Variants in PALLD observed in about 807,000 individuals in gnomAD.
The protein encoded by PALLD is palladin, cytoskeletal associated protein.
Under a neutral mutation model 123.5 loss-of-function variants are expected in PALLD, and 61 were observed. The observed-to-expected ratio is 0.49, with a 90% confidence interval of 0.40 to 0.61. The LOEUF is 0.61. Ranked by LOEUF, PALLD falls within the 20% of genes least tolerant of loss-of-function variation. PALLD has a pLI of 0.00. For missense variants in PALLD, 1,273 were observed against 1,377.0 expected (o/e 0.92, Z 1.20); for synonymous variants, 465 against 496.4 (o/e 0.94, Z 0.84).
intron 2 of PALLD, among the ~76,000 whole-genome samples, chr4:168,649,663 T>G (rs1260904133): frequency 1.3e-5 from 2 of 152,228 alleles, no homozygotes; most frequent in East Asian, 3.8e-4. Context: ...TTACCTTGTT[T>G]GCATAACAAC....
chr4:168,584,215 G>GTTT (rs10654362), intron 2 of PALLD, among the ~76,000 whole-genome samples: 4,619 of 148,034 alleles, frequency 0.031, 93 homozygotes, highest in South Asian at 0.11. Context: ...AGACCATCAG[G>GTTT]TTTTTTTTTT....
In PALLD at chr4:168,771,514, C is replaced by T. The variant is rs368582332; in HGVS notation, c.1964+59591C>T. 3.5e-4 allele frequency among the ~76,000 whole-genome samples: 53 copies of T among 152,254 alleles called. 1 individual carries two copies. The South Asian group carries it at 0.011, about 32-fold the overall frequency. ...TTCCCGGAGGCATAGAAGGCAGGCA[C>T]CCATACATTCACACCCACAAAAATG... On this transcript the variant is annotated intron_variant, in intron 10 of 21. Transcript: ENST00000505667.
chr4:168,874,615 G>A (rs1292049995), intron 10 of PALLD, among the ~76,000 whole-genome samples: 1 of 151,374 alleles, frequency 6.6e-6, no homozygotes, highest in East Asian at 1.9e-4. Flanking sequence ...GTATAAAAGT[G>A]AATAAAGTCC....
chr4:168,680,694 A>G (rs1487019784), intron 3 of PALLD, among the ~76,000 whole-genome samples: 2 of 152,182 alleles, frequency 1.3e-5, no homozygotes, highest in Non-Finnish European at 2.9e-5. Context: ...TGGAAACATT[A>G]AGAATATACT....
intron 2 of PALLD, among the ~76,000 whole-genome samples, chr4:168,632,375 C>T (rs1228240226): frequency 1.3e-5 from 2 of 152,220 alleles, no homozygotes; most frequent in Non-Finnish European, 2.9e-5. Context: ...CTAAGAGCTG[C>T]TCAGTTGCTG....
intron 2 of PALLD, among the ~76,000 whole-genome samples, chr4:168,557,914 G>C (rs1335815996): frequency 6.6e-6 from 1 of 152,142 alleles, no homozygotes. Context: ...TGTGGGAAAG[G>C]GAGGGAAGGT....
intron 2 of PALLD, among the ~76,000 whole-genome samples, chr4:168,665,677 TA>T (rs1462721917): frequency 2.0e-5 from 3 of 152,188 alleles, no homozygotes; most frequent in African/African-American, 4.8e-5. Flanking sequence ...CAACACTTCT[TA>T]AAGTGCACAT....
At chr4:168,543,943 T>C (rs1332337624) in intron 2 of PALLD, among the ~76,000 whole-genome samples, 1 of 152,248 alleles carries the variant, frequency 6.6e-6, no homozygotes, top group Non-Finnish European at 1.5e-5. Flanking sequence ...TGTGTATACA[T>C]GAAGATGTAC....
chr4:168,636,772 C>T (rs1455815491), intron 2 of PALLD, among the ~76,000 whole-genome samples: 1 of 152,076 alleles, frequency 6.6e-6, no homozygotes, highest in Admixed American at 6.6e-5. Context: ...TCTTACAGTC[C>T]CAGTGCAGAA....
intron 10 of PALLD, among the ~76,000 whole-genome samples, chr4:168,743,298 G>A (rs998064643): frequency 1.3e-5 from 2 of 152,048 alleles, no homozygotes; most frequent in African/African-American, 2.4e-5. Flanking sequence ...ATTACACCAC[G>A]CGGCTATCAT....
chr4:168,585,622 G>T (rs967415272), intron 2 of PALLD, among the ~76,000 whole-genome samples: 1 of 151,800 alleles, frequency 6.6e-6, no homozygotes, highest in Non-Finnish European at 1.5e-5. Context: ...CAGGCACTGA[G>T]TGTGCCCCTG....
intron 8 of PALLD, among the ~76,000 whole-genome samples, chr4:168,704,303 C>T (rs1784005778): frequency 6.6e-6 from 1 of 152,122 alleles, no homozygotes; most frequent in South Asian, 2.1e-4. Context: ...TAGGCATTAC[C>T]ATTCATGACA....
At position 168,709,160 on chromosome 4, in the gene PALLD, T is replaced by TA. The variant is rs751503540; in HGVS notation, c.1621+21dup. 1.1e-5 allele frequency: 18 copies of TA among 1,610,642 alleles called. No homozygotes were observed. The highest frequency in any genetic ancestry group is 3.3e-4 in the Middle Eastern group (2 of 6,052). On this transcript the variant is annotated intron_variant, in intron 9 of 21. Coordinates refer to ENST00000505667, the MANE Select transcript of PALLD (RefSeq NM_001166108.2). ...GTTGTCACCTCAGGTATGTGAGGAG[T>TA]AAAAAAAATGACTGGGTTCTGTTCC... is the stretch of plus-strand genomic sequence containing the variant.
chr4:168,719,080 G>T (rs1785676841), intron 10 of PALLD, among the ~76,000 whole-genome samples: 1 of 149,642 alleles, frequency 6.7e-6, no homozygotes, highest in Admixed American at 6.7e-5. Flanking sequence ...GCTAATTTTT[G>T]TATTTTTAGT....
intron 10 of PALLD, among the ~76,000 whole-genome samples, chr4:168,831,593 G>A (rs937185772): frequency 6.6e-6 from 1 of 151,978 alleles, no homozygotes; most frequent in Non-Finnish European, 1.5e-5. Flanking sequence ...CCTCCCCACA[G>A]CCCCAGTCCC....
intron 10 of PALLD, among the ~76,000 whole-genome samples, chr4:168,865,425 A>G (rs2151052001): frequency 6.6e-6 from 1 of 152,314 alleles, no homozygotes; most frequent in East Asian, 1.9e-4. Flanking sequence ...TGGCTTGTAT[A>G]TCTTGGCCAT....
chr4:168,682,979 T>C lies in PALLD; in HGVS notation c.1155-19T>C, dbSNP rs372835189. The C allele has an allele frequency of 1.3e-5, 18 of 1,391,052 alleles. No homozygotes were observed. In the African/African-American group the frequency reaches 2.4e-4, roughly 19 times the overall value. 86.2% of individuals were successfully genotyped at this position (1,391,052 alleles called of 1,614,324 possible). A position where few individuals can be genotyped will look rare whatever the true frequency, so the allele number is the denominator to read the frequency against. ...AACAAAAAATATTCTGACTAAACAC[T>C]CACCTTCCTATTTTCCAGAGCTCAA... On this transcript the variant is annotated intron_variant, in intron 4 of 21. Transcript: ENST00000505667.
chr4:168,565,950 T>C (rs1225181082), intron 2 of PALLD, among the ~76,000 whole-genome samples: 1 of 152,172 alleles, frequency 6.6e-6, no homozygotes, highest in South Asian at 2.1e-4. Flanking sequence ...TTTTGTGTTA[T>C]ATAATGGTGT....
intron 2 of PALLD, among the ~76,000 whole-genome samples, chr4:168,576,411 G>C (rs892777285): frequency 3.3e-5 from 5 of 151,916 alleles, no homozygotes; most frequent in African/African-American, 1.2e-4. Flanking sequence ...ACAGGCCCTG[G>C]TGTGTGATGT....
Sources: allele counts gnomAD v4.1 joint callset (sites outside exome capture counted in the v4.1 genomes callset), GRCh38; gene constraint gnomAD v4.1.1; transcripts MANE v1.5; gene names NCBI Gene and HGNC (gene_info 2026-07-23, HGNC 2026-07-21).